Variants in CRADD observed in about 807,000 individuals in gnomAD.
CRADD encodes CARD and death domain containing adaptor protein.
A neutral mutation model predicts 15.5 loss-of-function variants in CRADD; 9 were observed. The ratio of observed to expected loss-of-function variants is 0.58; its 90% CI spans 0.35 to 1.01. The LOEUF (loss-of-function observed/expected upper bound fraction) is 1.01, where lower values mean the gene tolerates loss of function less well. Among genes scored for constraint, CRADD ranks in the 50% least tolerant of loss-of-function variants. The probability of loss-of-function intolerance (pLI) is 0.02; values close to 1 mark genes in which losing one functional copy is unlikely to be tolerated. For missense variants in CRADD, 227 were observed against 250.3 expected (o/e 0.91, Z 0.63); for synonymous variants, 118 against 107.6 (o/e 1.10, Z -0.60).
chr12:93,892,636 G>A (rs553529245), intron 2 of CRADD, among the ~76,000 whole-genome samples: 42 of 152,304 alleles, frequency 2.8e-4, no homozygotes, highest in African/African-American at 9.4e-4. Flanking sequence ...TGCCAGGACA[G>A]TGATGCCTGG....
At chr12:93,877,789 C>T (rs1958467315) in intron 2 of CRADD, among the ~76,000 whole-genome samples, 1 of 152,076 alleles carries the variant, frequency 6.6e-6, no homozygotes, top group East Asian at 1.9e-4. Flanking sequence ...AAATGCCATC[C>T]AAGAGTCAAG....
intron 2 of CRADD, among the ~76,000 whole-genome samples, chr12:93,812,167 A>T (rs960551646): frequency 3.3e-5 from 5 of 151,860 alleles, no homozygotes; most frequent in Non-Finnish European, 7.4e-5. Flanking sequence ...GGGCAGTGAA[A>T]CTCTTCTATA....
At chr12:93,813,654 A>G (rs1957653937) in intron 2 of CRADD, among the ~76,000 whole-genome samples, 3 of 151,944 alleles carry the variant, frequency 2.0e-5, no homozygotes, top group Non-Finnish European at 2.9e-5. Context: ...CTCAAAGCCC[A>G]GAGGGCCTCG....
chr12:93,707,586 T>C (rs917134856), intron 2 of CRADD, among the ~76,000 whole-genome samples: 3 of 152,146 alleles, frequency 2.0e-5, no homozygotes, highest in African/African-American at 7.2e-5. Context: ...GCTTCAAGGC[T>C]GAAGGTTTCT....
chr12:93,761,808 T>C (rs1276352680), intron 2 of CRADD, among the ~76,000 whole-genome samples: 2 of 152,204 alleles, frequency 1.3e-5, no homozygotes, highest in African/African-American at 4.8e-5. Flanking sequence ...AAATTCTCAA[T>C]AATTTTCCCA....
intron 2 of CRADD, among the ~76,000 whole-genome samples, chr12:93,878,459 G>A (rs1428626938): frequency 6.6e-6 from 1 of 152,144 alleles, no homozygotes; most frequent in African/African-American, 2.4e-5. Flanking sequence ...GGTAGGGTAG[G>A]GGTGATGTCA....
At chr12:93,805,503 G>A (rs2137001263) in intron 2 of CRADD, among the ~76,000 whole-genome samples, 2 of 151,742 alleles carry the variant, frequency 1.3e-5, no homozygotes, top group East Asian at 3.9e-4. Flanking sequence ...CTCCGAGCCT[G>A]TTTCCTCAAC....
chr12:93,796,492 C>T (rs1957420059), intron 2 of CRADD, among the ~76,000 whole-genome samples: 1 of 151,186 alleles, frequency 6.6e-6, no homozygotes, highest in Non-Finnish European at 1.5e-5. Flanking sequence ...GTAATCCCAG[C>T]TACTTGAGAG....
intron 2 of CRADD, among the ~76,000 whole-genome samples, chr12:93,753,004 G>A (rs145823700): frequency 1.2e-4 from 18 of 152,208 alleles, no homozygotes; most frequent in African/African-American, 3.9e-4. Context: ...TGAGAACAGC[G>A]CAGGAAAGAC....
At chr12:93,871,247 T>C (rs1958416486) in intron 2 of CRADD, among the ~76,000 whole-genome samples, 1 of 152,212 alleles carries the variant, frequency 6.6e-6, no homozygotes, top group Non-Finnish European at 1.5e-5. Context: ...ATCTTATCCA[T>C]GCTCTCCTAT....
chr12:93,886,162 C>CATTTTTTTTTTTTTTTTTTTTT (rs1555231623), intron 2 of CRADD, among the ~76,000 whole-genome samples: 1 of 123,948 alleles, frequency 8.1e-6, no homozygotes. Context: ...GCTGCTGATG[C>CATTTTTTTTTTTTTTTTTTTTT]TTTTTTTTTT....
chr12:93,854,511 A>G (rs1343263625), downstream of CRADD, among the ~76,000 whole-genome samples: 1 of 152,210 alleles, frequency 6.6e-6, no homozygotes, highest in Non-Finnish European at 1.5e-5. Context: ...GGAGGGCTCT[A>G]CCAAAAGGCA....
At chr12:93,889,830 G>A (rs550311449) in intron 2 of CRADD, among the ~76,000 whole-genome samples, 7 of 152,292 alleles carry the variant, frequency 4.6e-5, no homozygotes, top group African/African-American at 1.2e-4. Flanking sequence ...ATGGAGAGAA[G>A]GTAAAGTGGA....
At chr12:93,849,654 T>C (rs948157989) in intron 2 of CRADD, among the ~76,000 whole-genome samples, 1 of 148,828 alleles carries the variant, frequency 6.7e-6, no homozygotes, top group Non-Finnish European at 1.5e-5. Flanking sequence ...AACAGGAGAA[T>C]CACTTCAACC....
chr12:93,696,929 T>G (rs895899943), intron 2 of CRADD, among the ~76,000 whole-genome samples: 1 of 152,196 alleles, frequency 6.6e-6, no homozygotes, highest in African/African-American at 2.4e-5. Flanking sequence ...TCATTTTATA[T>G]CAGGGACTTG....
rs1958197804 is a variant in CRADD, at chr12:93,850,159, C to T, written c.488C>T (p.Ala163Val). 6.2e-7 allele frequency: 1 copy of T among 1,613,858 alleles called. No homozygotes were observed. Among genetic ancestry groups the T allele is most frequent in the Non-Finnish European group, 8.5e-7 (1 of 1,179,780 alleles). Residue 163 changes from alanine to valine, a missense_variant, in exon 3 of 3, where the codon GCC (alanine) becomes GTC (valine). By Grantham distance (64) the Ala-to-Val change is moderately conservative. Transcript: ENST00000332896. This position sits in a 1 kb window ranked among gnomAD's most constrained non-coding sequence, Gnocchi z 4.0. ...PHNVQSQVVE[A>V]FIRWRQRFGK... is the part of the protein sequence containing the mutation. ...AACGTGCAGTCGCAGGTGGTGGAGGCCTTCATCCGTTGGCGGCAGCGCTTC... is the reference window on the plus strand; with the variant it reads ...AACGTGCAGTCGCAGGTGGTGGAGGTCTTCATCCGTTGGCGGCAGCGCTTC...
chr12:93,742,795 G>T (rs1017045723), intron 2 of CRADD, among the ~76,000 whole-genome samples: 8 of 152,044 alleles, frequency 5.3e-5, no homozygotes, highest in African/African-American at 1.7e-4. Context: ...GTTGTGTCCC[G>T]AGCCATTCCG....
chr12:93,869,065 T>C (rs1958395884), intron 2 of CRADD, among the ~76,000 whole-genome samples: 1 of 152,166 alleles, frequency 6.6e-6, no homozygotes, highest in Non-Finnish European at 1.5e-5. Context: ...ACTGGAGAGA[T>C]ACAGTTTGAA....
chr12:93,690,463 A>G (rs763007225), intron 2 of CRADD, among the ~76,000 whole-genome samples: 39 of 152,372 alleles, frequency 2.6e-4, no homozygotes, highest in Middle Eastern at 3.4e-3. Flanking sequence ...TTGGAGCAGC[A>G]TAGGTCTCCT....
Sources: allele counts gnomAD v4.1 joint callset (sites outside exome capture counted in the v4.1 genomes callset), GRCh38; gene constraint gnomAD v4.1.1; non-coding constraint Gnocchi (gnomAD v3.1); transcripts MANE v1.5; gene names NCBI Gene and HGNC (gene_info 2026-07-23, HGNC 2026-07-21).